The following PBX1 variants were observed in gnomAD, a reference collection of about 807,000 sequenced individuals.
PBX1 encodes the protein PBX homeobox 1.
In PBX1, 6 loss-of-function variants were observed where a neutral mutation model predicts 53.4. That is an observed-to-expected ratio of 0.11 (90% confidence interval 0.06 to 0.22). The LOEUF is 0.22. PBX1 is among the 10% of genes least tolerant of loss of function. PBX1 has a pLI of 1.00. For missense variants in PBX1, 251 were observed against 551.4 expected (o/e 0.46, Z 5.46); for synonymous variants, 204 against 212.3 (o/e 0.96, Z 0.34).
intron 8 of PBX1, among the ~76,000 whole-genome samples, chr1:164,842,242 A>G (rs374862842): frequency 3.9e-5 from 6 of 152,198 alleles, no homozygotes; most frequent in African/African-American, 1.2e-4. Context: ...TTTTGGTTGC[A>G]ATTCTGTGTC....
At chr1:164,711,425 G>A (rs766605411) in intron 2 of PBX1, among the ~76,000 whole-genome samples, 9 of 152,122 alleles carry the variant, frequency 5.9e-5, no homozygotes, top group African/African-American at 9.7e-5. Flanking sequence ...CACCATGCCC[G>A]GCTAATTTTT....
intron 2 of PBX1, among the ~76,000 whole-genome samples, chr1:164,653,831 A>G (rs1469203077): frequency 6.6e-6 from 1 of 152,142 alleles, no homozygotes; most frequent in Non-Finnish European, 1.5e-5. Context: ...CCACAAACCC[A>G]TACTTTAAAT....
chr1:164,872,742 C>A (rs1672411607), intron 2 of PBX1, among the ~76,000 whole-genome samples: 1 of 152,182 alleles, frequency 6.6e-6, no homozygotes, highest in Non-Finnish European at 1.5e-5. Context: ...AGGTGTGCTG[C>A]CGATAAGCCC....
intron 2 of PBX1, among the ~76,000 whole-genome samples, chr1:164,662,278 A>G (rs575241071): frequency 9.7e-4 from 148 of 152,304 alleles, no homozygotes; most frequent in Non-Finnish European, 1.7e-3. Flanking sequence ...GTGGGCCAAG[A>G]TCTCGCCACT....
At chr1:164,755,921 C>T (rs1666490310) in intron 2 of PBX1, among the ~76,000 whole-genome samples, 1 of 149,682 alleles carries the variant, frequency 6.7e-6, no homozygotes, top group Non-Finnish European at 1.5e-5. Context: ...GGCAGGGTGC[C>T]AGGGTTTTAA....
At chr1:164,569,564 A>ATTTTTTTTTTTTTTTTTTTTTTTTT (rs71097535) in intron 2 of PBX1, among the ~76,000 whole-genome samples, 1 of 78,188 alleles carries the variant, frequency 1.3e-5, no homozygotes, top group Non-Finnish European at 2.3e-5. Flanking sequence ...TTTTCCTTGC[A>ATTTTTTTTTTTTTTTTTTTTTTTTT]TTTTTTTTTT....
intron 2 of PBX1, among the ~76,000 whole-genome samples, chr1:164,687,025 CT>C (rs1662144981): frequency 6.6e-6 from 1 of 152,032 alleles, no homozygotes; most frequent in African/African-American, 2.4e-5. Context: ...TTTCGTAATT[CT>C]TGGATGCAAA....
intron 6 of PBX1, 95 bp from the exon 7 acceptor site, chr1:164,819,977 G>T (rs752594573): frequency 3.1e-4 from 222 of 705,170 alleles, no homozygotes; most frequent in Non-Finnish European, 4.9e-4. Flanking sequence ...TTTGGGGGGG[G>T]TTGCTTTGCA....
At chr1:164,809,166 G>C (rs1669490270) in intron 5 of PBX1, among the ~76,000 whole-genome samples, 1 of 152,114 alleles carries the variant, frequency 6.6e-6, no homozygotes, top group Non-Finnish European at 1.5e-5. Context: ...ACTACTGTCT[G>C]AATTCCAAGT....
At chr1:164,830,003 TATTTA>T (rs1670672408) in intron 8 of PBX1, 1 of 152,194 alleles carries the variant, frequency 6.6e-6, no homozygotes, top group South Asian at 2.1e-4. Context: ...TGTTTAATTT[TATTTA>T]ATTTAAGGTA....
intron 2 of PBX1, among the ~76,000 whole-genome samples, chr1:164,868,531 T>C (rs1391236042): frequency 6.6e-6 from 1 of 152,186 alleles, no homozygotes; most frequent in African/African-American, 2.4e-5. Context: ...GCAAGCAGCA[T>C]GGTCCAAGGG....
chr1:164,879,009 A>C (rs114991088), intron 2 of PBX1, among the ~76,000 whole-genome samples: 1 of 152,204 alleles, frequency 6.6e-6, no homozygotes, highest in African/African-American at 2.4e-5. Context: ...AGGTAAGCCC[A>C]CCACTGAGGC....
chr1:164,651,422 C>G (rs1409442194), intron 2 of PBX1, among the ~76,000 whole-genome samples: 1 of 152,012 alleles, frequency 6.6e-6, no homozygotes, highest in African/African-American at 2.4e-5. Flanking sequence ...GTGGCTGTCT[C>G]GTTTCCCTAC....
intron 2 of PBX1, among the ~76,000 whole-genome samples, chr1:164,606,949 G>A (rs1335571954): frequency 1.3e-5 from 2 of 152,208 alleles, no homozygotes; most frequent in African/African-American, 4.8e-5. Context: ...TACTGGGGAA[G>A]TATTTCAAAG....
chr1:164,858,317 G>A (rs1372768656), intron 2 of PBX1, among the ~76,000 whole-genome samples: 2 of 152,028 alleles, frequency 1.3e-5, no homozygotes, highest in African/African-American at 2.4e-5. Context: ...TTAGCCTCAG[G>A]TTTGTAAAAA....
At chr1:164,842,326 C>T (rs1164172421) in intron 8 of PBX1, among the ~76,000 whole-genome samples, 1 of 152,132 alleles carries the variant, frequency 6.6e-6, no homozygotes, top group Non-Finnish European at 1.5e-5. Context: ...AGAGCTAGCT[C>T]CCTCTACCTC....
At chr1:164,635,894 C>T (rs1259018150) in intron 2 of PBX1, among the ~76,000 whole-genome samples, 4 of 152,312 alleles carry the variant, frequency 2.6e-5, no homozygotes, top group South Asian at 2.1e-4. Flanking sequence ...GTGGCAAGCT[C>T]AGTAAAGATG....
At position 164,849,238 on chromosome 1, in the gene PBX1, A is replaced by C; in HGVS notation, c.*2562A>C. The C allele has an allele frequency of 6.6e-7, 1 of 1,512,466 alleles. No homozygotes were observed. The highest frequency in any genetic ancestry group is 8.8e-7 in the Non-Finnish European group (1 of 1,133,288). 93.7% of individuals were successfully genotyped at this position (1,512,466 alleles called of 1,614,324 possible). On this transcript the variant is annotated 3_prime_UTR_variant, in exon 9 of 9. Transcript: ENST00000420696. ...ATGCAAAAGATCAGAACAGGGCTAC[A>C]TTTGCACAGGCAGTTTCTCTCCGGG... is the stretch of plus-strand genomic sequence containing the variant.
chr1:164,676,699 T>C (rs533055687), intron 2 of PBX1, among the ~76,000 whole-genome samples: 8 of 152,178 alleles, frequency 5.3e-5, no homozygotes, highest in Non-Finnish European at 1.0e-4. Flanking sequence ...CTAAGTGACA[T>C]TGAAACTATT....
Sources: allele counts gnomAD v4.1 joint callset (sites outside exome capture counted in the v4.1 genomes callset), GRCh38; gene constraint gnomAD v4.1.1; transcripts MANE v1.5; gene names NCBI Gene and HGNC (gene_info 2026-07-23, HGNC 2026-07-21).